The following XIRP2 variants were observed in gnomAD, a reference collection of about 807,000 sequenced individuals.
The protein encoded by XIRP2 is xin actin-binding repeat-containing protein 2.
Under a neutral mutation model 277.0 loss-of-function variants are expected in XIRP2, and 236 were observed. The ratio of observed to expected loss-of-function variants is 0.85; its 90% CI spans 0.77 to 0.95. The LOEUF (loss-of-function observed/expected upper bound fraction) is 0.95, where lower values mean the gene tolerates loss of function less well. XIRP2 is among the 40% of genes least tolerant of loss of function. XIRP2 has a pLI of 0.00. For synonymous variants in XIRP2, 1,490 were observed against 1,416.5 expected, an observed-to-expected ratio of 1.05 and a Z score of -1.17; for missense variants, 4,640 against 4,157.5, an observed-to-expected ratio of 1.12 and a Z score of -3.19.
chr2:166,943,512 T>C (rs1685776088), intron 2 of XIRP2, among the ~76,000 whole-genome samples: 1 of 152,226 alleles, frequency 6.6e-6, no homozygotes, highest in African/African-American at 2.4e-5. Flanking sequence ...ACCACTCGTC[T>C]TCATATACAT....
chr2:167,049,847 A>G (rs956332208), intron 2 of XIRP2, among the ~76,000 whole-genome samples: 1 of 152,046 alleles, frequency 6.6e-6, no homozygotes, highest in African/African-American at 2.4e-5. Flanking sequence ...TGAAAACTAC[A>G]TGGTAGAAAG....
At position 166,913,408 on chromosome 2, in the gene XIRP2, G is replaced by T. The variant is rs927058181; in HGVS notation, c.408+9518G>T. On this transcript the variant is annotated intron_variant, in intron 2 of 10. Coordinates refer to ENST00000409195, the MANE Select transcript of XIRP2 (RefSeq NM_152381.6). ...CGTGGGCGTGGGACCCTCTGAGCCA[G>T]GCATGGGATATAATCTCCTGGGGTG... 3.3e-5 allele frequency among the ~76,000 whole-genome samples: 5 copies of T among 151,710 alleles called. No homozygotes were observed. In the East Asian group the frequency reaches 5.9e-4, roughly 18 times the overall value.
chr2:167,154,506 C>A (rs140372777), intron 3 of XIRP2, among the ~76,000 whole-genome samples: 7 of 148,446 alleles, frequency 4.7e-5, no homozygotes, highest in Admixed American at 4.7e-4. Context: ...TGAATGGTAA[C>A]GCCTAGGTTT....
At chr2:167,185,565 A>G (rs1693131606) in intron 3 of XIRP2, among the ~76,000 whole-genome samples, 1 of 152,072 alleles carries the variant, frequency 6.6e-6, no homozygotes, top group Non-Finnish European at 1.5e-5. Flanking sequence ...TGGGGAAGCT[A>G]GAAGTCAGAT....
chr2:167,124,320 T>C (rs1691138863), intron 2 of XIRP2: 1 of 152,108 alleles, frequency 6.6e-6, no homozygotes, highest in East Asian at 1.9e-4. Flanking sequence ...GGCAATAAAG[T>C]TTTAGTTCAT....
intron 3 of XIRP2, among the ~76,000 whole-genome samples, chr2:167,153,853 G>A (rs1248128559): frequency 1.3e-5 from 2 of 150,742 alleles, no homozygotes; most frequent in Non-Finnish European, 3.0e-5. Context: ...ATTGTGAATA[G>A]TGCCGCAATA....
At chr2:167,084,221 C>T (rs552881357) in intron 2 of XIRP2, among the ~76,000 whole-genome samples, 2,462 of 152,164 alleles carry the variant, frequency 0.016, 27 homozygotes, top group African/African-American at 0.025. Context: ...GTCTTTGGTT[C>T]TGTTTATATG....
chr2:167,228,123 C>G (rs1243528011), intron 5 of XIRP2, among the ~76,000 whole-genome samples: 1 of 152,070 alleles, frequency 6.6e-6, no homozygotes, highest in Non-Finnish European at 1.5e-5. Flanking sequence ...TGAAGATGTG[C>G]CCATAAAATA....
At chr2:167,030,469 G>A (rs997131413) in intron 2 of XIRP2, among the ~76,000 whole-genome samples, 3 of 152,006 alleles carry the variant, frequency 2.0e-5, no homozygotes, top group South Asian at 2.1e-4. Context: ...ATTTTGTTAT[G>A]TACCCAGTAG....
In XIRP2 at chr2:167,259,089, A is replaced by G; in HGVS notation, c.*1272A>G. The G allele has an allele frequency of 2.5e-6, 4 of 1,611,616 alleles. No individual in the cohort carries two copies. Among genetic ancestry groups the G allele is most frequent in the Non-Finnish European group, 3.4e-6 (4 of 1,178,282 alleles). ...ACCGTGAAAATCACTGCATTTTCCA[A>G]GAAAAATGAGAACATTTTCAATTGT... On this transcript the variant is annotated 3_prime_UTR_variant, in exon 11 of 11. Transcript: ENST00000409195.
intron 2 of XIRP2, among the ~76,000 whole-genome samples, chr2:167,033,485 A>G (rs1688422412): frequency 6.6e-6 from 1 of 152,138 alleles, no homozygotes; most frequent in Non-Finnish European, 1.5e-5. Flanking sequence ...GAACTTTCCA[A>G]ATCTGGAGAA....
intron 2 of XIRP2, among the ~76,000 whole-genome samples, chr2:167,007,375 T>C (rs935350916): frequency 1.3e-5 from 2 of 151,656 alleles, no homozygotes; most frequent in Non-Finnish European, 3.0e-5. Flanking sequence ...TATAACAAAA[T>C]GTTAGAGCTG....
At chr2:166,994,477 T>TA (rs553849285) in intron 2 of XIRP2, among the ~76,000 whole-genome samples, 1,288 of 97,642 alleles carry the variant, frequency 0.013, 27 homozygotes, top group African/African-American at 0.052. Context: ...TAGAGTATAA[T>TA]AAAAAAAAAA....
At chr2:166,905,765 G>A (rs142121132) in intron 2 of XIRP2, among the ~76,000 whole-genome samples, 14 of 151,934 alleles carry the variant, frequency 9.2e-5, no homozygotes, top group African/African-American at 3.4e-4. Flanking sequence ...CAACAAAGGG[G>A]ACGAGGAGAA....
chr2:167,183,651 T>C lies in XIRP2; in HGVS notation c.563-27084T>C, dbSNP rs142962179. On this transcript the variant is annotated intron_variant, in intron 3 of 10. Coordinates refer to ENST00000409195, the MANE Select transcript of XIRP2 (RefSeq NM_152381.6). Reference sequence around the variant, plus strand: ...TCTCTATCTTTTCATATGTTTTGTGTGTTATTTCTTATATTTTCTTAAATA... The same window carrying C: ...TCTCTATCTTTTCATATGTTTTGTGCGTTATTTCTTATATTTTCTTAAATA... 1.2e-4 allele frequency among the ~76,000 whole-genome samples: 18 copies of C among 152,308 alleles called. No homozygotes were observed. In the East Asian group the frequency reaches 3.3e-3, roughly 28 times the overall value.
chr2:167,036,586 G>A (rs567279990), intron 2 of XIRP2, among the ~76,000 whole-genome samples: 1 of 152,220 alleles, frequency 6.6e-6, no homozygotes, highest in East Asian at 1.9e-4. Context: ...TAGGCAGAAG[G>A]GACTTGCCTT....
chr2:167,198,581 A>G (rs948236180), intron 3 of XIRP2, among the ~76,000 whole-genome samples: 1 of 152,202 alleles, frequency 6.6e-6, no homozygotes, highest in Non-Finnish European at 1.5e-5. Flanking sequence ...TCGGTTTAAC[A>G]TTAGCCAGTT....
chr2:167,209,077 T>G (rs1693944536), intron 3 of XIRP2, among the ~76,000 whole-genome samples: 1 of 152,184 alleles, frequency 6.6e-6, no homozygotes, highest in African/African-American at 2.4e-5. Flanking sequence ...GGATGACAGG[T>G]GAATTTCAAA....
At chr2:167,086,626 G>A (rs564234306) in intron 2 of XIRP2, among the ~76,000 whole-genome samples, 1 of 151,934 alleles carries the variant, frequency 6.6e-6, no homozygotes, top group African/African-American at 2.4e-5. Flanking sequence ...ATATTTCTTG[G>A]AGGCTTTGCT....
Sources: allele counts gnomAD v4.1 joint callset (sites outside exome capture counted in the v4.1 genomes callset), GRCh38; gene constraint gnomAD v4.1.1; transcripts MANE v1.5; gene names NCBI Gene and HGNC (gene_info 2026-07-23, HGNC 2026-07-21).